CORIN: variants seen among roughly 807,000 people sequenced by gnomAD.
CORIN encodes corin, serine peptidase, also known as atrial natriuretic peptide-converting enzyme.
CORIN carries 117 observed loss-of-function variants against 125.3 expected under a neutral mutation model. The ratio of observed to expected loss-of-function variants is 0.93; its 90% confidence interval spans 0.80 to 1.09. CORIN has a LOEUF of 1.09. Among genes scored for constraint, CORIN ranks in the 50% least tolerant of loss-of-function variants. The probability of loss-of-function intolerance (pLI) is 0.00; values close to 1 mark genes in which losing one functional copy is unlikely to be tolerated. For synonymous variants in CORIN, 450 were observed against 466.4 expected (o/e 0.96, Z 0.45); for missense variants, 1,253 against 1,306.7 (o/e 0.96, Z 0.63).
intron 16 of CORIN, among the ~76,000 whole-genome samples, chr4:47,635,925 T>G (rs1723006124): frequency 6.6e-6 from 1 of 152,196 alleles, no homozygotes. Context: ...CAACTCCTGA[T>G]GGATTATTCA....
chr4:47,666,016 C>T (rs1017857554), intron 10 of CORIN, among the ~76,000 whole-genome samples: 4 of 152,158 alleles, frequency 2.6e-5, no homozygotes, highest in African/African-American at 7.2e-5. Context: ...TCATAATTAT[C>T]TCCCCAAAGG....
At chr4:47,713,241 T>C (rs17654381) in intron 5 of CORIN, among the ~76,000 whole-genome samples, 14,037 of 152,230 alleles carry the variant, frequency 0.092, 787 homozygotes, top group East Asian at 0.27. Flanking sequence ...TTCTAGAGCA[T>C]TGTCATCAGA....
At chr4:47,722,939 T>C (rs1313488900) in intron 5 of CORIN, among the ~76,000 whole-genome samples, 1 of 152,172 alleles carries the variant, frequency 6.6e-6, no homozygotes, top group African/African-American at 2.4e-5. Flanking sequence ...GTTTTTCTTT[T>C]TCTACTCATA....
chr4:47,621,567 A>G (rs1722309816), intron 19 of CORIN, among the ~76,000 whole-genome samples: 1 of 152,230 alleles, frequency 6.6e-6, no homozygotes, highest in Non-Finnish European at 1.5e-5. Context: ...GCTACAAATT[A>G]CATAGCAACA....
At chr4:47,680,425 C>A (rs35697364) in intron 7 of CORIN, 174 bp from the exon 8 acceptor site, 12,422 of 554,462 alleles carry the variant, frequency 0.022, 213 homozygotes, top group Non-Finnish European at 0.028. Flanking sequence ...CACTCATGTG[C>A]CCCACTGACC....
At chr4:47,819,530 G>GCT (rs1293680616) in intron 1 of CORIN, among the ~76,000 whole-genome samples, 1 of 152,098 alleles carries the variant, frequency 6.6e-6, no homozygotes, top group East Asian at 1.9e-4. Context: ...AGTAATAAAG[G>GCT]CTAATATGAG....
intron 8 of CORIN, among the ~76,000 whole-genome samples, chr4:47,678,839 C>G (rs1725137833): frequency 6.6e-6 from 1 of 152,170 alleles, no homozygotes; most frequent in Admixed American, 6.5e-5. Flanking sequence ...ACCTGAGCAC[C>G]ATGTCCTTGC....
chr4:47,623,135 C>G (rs114676666), intron 19 of CORIN, among the ~76,000 whole-genome samples: 9 of 149,394 alleles, frequency 6.0e-5, no homozygotes, highest in Admixed American at 2.0e-4. Flanking sequence ...CACACACACT[C>G]TCTCTGAATA....
intron 5 of CORIN, among the ~76,000 whole-genome samples, chr4:47,717,055 A>G (rs1202610773): frequency 6.6e-6 from 1 of 152,212 alleles, no homozygotes; most frequent in Non-Finnish European, 1.5e-5. Context: ...TTCAATTGGC[A>G]GGATCCAAAA....
chr4:47,787,059 G>T, intron 2 of CORIN, 134 bp from the exon 3 acceptor site: 1 of 673,870 alleles, frequency 1.5e-6, no homozygotes, highest in South Asian at 2.0e-5. Flanking sequence ...CAAAGACGAA[G>T]ATGAAAGCCG....
chr4:47,779,889 G>T (rs750074597), intron 3 of CORIN, among the ~76,000 whole-genome samples: 1 of 152,060 alleles, frequency 6.6e-6, no homozygotes, highest in Non-Finnish European at 1.5e-5. Flanking sequence ...AGGGCATTTC[G>T]GTCCATGTCT....
chr4:47,724,348 A>T (rs374595350), intron 5 of CORIN, among the ~76,000 whole-genome samples: 2 of 152,186 alleles, frequency 1.3e-5, no homozygotes, highest in African/African-American at 4.8e-5. Flanking sequence ...AAAAGAGAAA[A>T]GTTTTCAAAA....
intron 14 of CORIN, 141 bp downstream of exon 14, chr4:47,644,940 C>T: frequency 1.9e-6 from 1 of 525,990 alleles, no homozygotes; most frequent in East Asian, 3.0e-5. Flanking sequence ...TATGTCTTTA[C>T]AAGTGGAGTT....
In CORIN at chr4:47,680,226, G is replaced by T; in HGVS notation, c.1047C>A (p.Arg349=). The change falls in exon 8 of 22, where the codon CGC becomes CGA. Residue 349 remains arginine (R), a synonymous_variant. Transcript: ENST00000273857. ...NCDCNPTTEH[R]CGDGRCIAME... is the part of the protein sequence containing the mutation. ...TGGCGATGCAGCGCCCGTCCCCGCA[G>T]CGATGCTCTGTTGTGGGATTGCAAT... The T allele has an allele frequency of 6.2e-7, 1 of 1,613,914 alleles. No individual in the cohort carries two copies. The highest frequency in any genetic ancestry group is 8.5e-7 in the Non-Finnish European group (1 of 1,179,854).
In CORIN at chr4:47,674,438, C is replaced by T; in HGVS notation, c.1312G>A (p.Gly438Ser). Residue 438 changes from glycine (G) to serine (S), a missense_variant, in exon 10 of 22, where the codon GGT becomes AGT. Gly to Ser is a moderately conservative substitution (Grantham distance 56). Coordinates refer to ENST00000273857, the MANE Select transcript of CORIN (RefSeq NM_006587.4). ...CLYNPCLDSC[G>S]GSSLCDPNNS... is the part of the protein sequence containing the mutation. The stretch of plus-strand genomic sequence containing the variant: ...TTCGGGTCACAGAGAGAGCTACCAC[C>T]ACATGAATCAAGGCAGGGATTGTAG... 1 of 1,613,992 alleles carries T rather than the reference C, an allele frequency of 6.2e-7. No individual in the cohort carries two copies. The highest frequency in any genetic ancestry group is 2.2e-5 in the East Asian group (1 of 44,856).
At chr4:47,741,578 C>T (rs1402531565) in intron 5 of CORIN, among the ~76,000 whole-genome samples, 2 of 152,010 alleles carry the variant, frequency 1.3e-5, no homozygotes, top group African/African-American at 2.4e-5. Context: ...AGTATGTCCA[C>T]ACAAAAACAC....
intron 16 of CORIN, among the ~76,000 whole-genome samples, chr4:47,639,991 T>C (rs1268971051): frequency 7.1e-6 from 1 of 140,048 alleles, no homozygotes; most frequent in Non-Finnish European, 1.6e-5. Context: ...TATCACCACT[T>C]ACCCATTTTT....
intron 4 of CORIN, among the ~76,000 whole-genome samples, chr4:47,753,252 G>C (rs1228204137): frequency 5.9e-5 from 9 of 152,110 alleles, no homozygotes; most frequent in East Asian, 3.9e-4. Context: ...ATGCTTTAAA[G>C]GGCAATAAAG....
intron 4 of CORIN, among the ~76,000 whole-genome samples, chr4:47,746,202 T>C (rs1728656470): frequency 6.6e-6 from 1 of 152,224 alleles, no homozygotes; most frequent in Admixed American, 6.5e-5. Context: ...ATATACTTTC[T>C]CAAATAAAAC....
Sources: allele counts gnomAD v4.1 joint callset (sites outside exome capture counted in the v4.1 genomes callset), GRCh38; gene constraint gnomAD v4.1.1; transcripts MANE v1.5; gene names NCBI Gene and HGNC (gene_info 2026-07-23, HGNC 2026-07-21).